The following ELF1 variants were observed in gnomAD, a reference collection of about 807,000 sequenced individuals.
ELF1 encodes ETS-related transcription factor Elf-1.
ELF1 carries 24 observed loss-of-function variants against 59.9 expected under a neutral mutation model. The observed-to-expected ratio is 0.40, with a 90% CI of 0.29 to 0.56. The LOEUF (loss-of-function observed/expected upper bound fraction) is 0.56. ELF1 is among the 20% of genes least tolerant of loss of function. The pLI is 0.44. For synonymous variants in ELF1, 248 were observed against 266.2 expected (o/e 0.93, Z 0.67); for missense variants, 627 against 742.2 (o/e 0.84, Z 1.80).
chr13:40,943,799 CA>C, intron 6 of ELF1, 42 bp downstream of exon 6: 3 of 1,547,426 alleles, frequency 1.9e-6, no homozygotes, highest in Non-Finnish European at 2.6e-6. Context: ...CACTATAAAG[CA>C]ATCTGAGTGT....
rs530702906 is a variant in ELF1 at position 41,050,278 on chromosome 13, C to T, written c.-229+10560G>A. ...ATCATGCAGTATATCTTCTTTGTGA[C>T]TGGCTTATTTCACTTAGCATAATGT... On this transcript the variant is annotated intron_variant, in intron 1 of 1. Transcript: ENST00000405737. Among the ~76,000 whole-genome samples the T allele has an allele frequency of 2.6e-5, 4 of 152,204 alleles. No individual in the cohort carries two copies. The South Asian group carries it at 8.3e-4, about 32-fold the overall frequency.
At chr13:41,024,915 C>T (rs1380242911) in intron 1 of ELF1, among the ~76,000 whole-genome samples, 1 of 152,172 alleles carries the variant, frequency 6.6e-6, no homozygotes, top group African/African-American at 2.4e-5. Context: ...TCCTAACTGA[C>T]AGAATCTTTC....
At chr13:40,988,650 A>G (rs9594471) in intron 1 of ELF1, among the ~76,000 whole-genome samples, 27,615 of 152,124 alleles carry the variant, frequency 0.18, 2,691 homozygotes, top group African/African-American at 0.22. Context: ...ATTATCTCCC[A>G]AGTTTACTAT....
At chr13:41,000,260 T>C (rs1011403001) in intron 1 of ELF1, among the ~76,000 whole-genome samples, 1 of 139,760 alleles carries the variant, frequency 7.2e-6, no homozygotes, top group Non-Finnish European at 1.5e-5. Flanking sequence ...TTTTTTTTTT[T>C]TTTTTTTTGA....
chr13:41,008,041 A>G (rs1874852848), intron 1 of ELF1, among the ~76,000 whole-genome samples: 1 of 152,224 alleles, frequency 6.6e-6, no homozygotes, highest in Non-Finnish European at 1.5e-5. Context: ...TAAAAAGGCG[A>G]CTTCACTTAA....
chr13:41,044,961 TCA>T, intron 1 of ELF1, among the ~76,000 whole-genome samples: 1 of 152,180 alleles, frequency 6.6e-6, no homozygotes, highest in South Asian at 2.1e-4. Context: ...AATTATTTCC[TCA>T]ATTTCAGAGC....
intron 1 of ELF1, among the ~76,000 whole-genome samples, chr13:41,003,440 T>TA (rs1874577922): frequency 7.2e-6 from 1 of 138,544 alleles, no homozygotes; most frequent in Admixed American, 7.7e-5. Context: ...ATTTATTGTT[T>TA]AAAAAGACAT....
chr13:41,020,763 A>T (rs756682533), upstream of ELF1, among the ~76,000 whole-genome samples: 1 of 152,218 alleles, frequency 6.6e-6, no homozygotes, highest in Non-Finnish European at 1.5e-5. Flanking sequence ...TCCGCTGAGC[A>T]GTCACGGGAG....
In ELF1 at chr13:40,983,817, A is replaced by G. The variant is rs141560857; in HGVS notation, c.-228-1535T>C. On this transcript the variant is annotated intron_variant, in intron 1 of 8. Transcript: ENST00000239882. Reference sequence around the variant, plus strand: ...AATTCCTCTGTAGTAGACCTGCCTTATGTTCCTCCACACAAACTATTCAGT... The same window carrying G: ...AATTCCTCTGTAGTAGACCTGCCTTGTGTTCCTCCACACAAACTATTCAGT... Among the ~76,000 whole-genome samples the G allele has an allele frequency of 8.5e-3, 1,295 of 152,258 alleles. 13 individuals carry two copies. The highest frequency in any genetic ancestry group is 0.03 in the African/African-American group (1,227 of 41,538).
At chr13:40,983,451 T>C (rs904213995) in intron 1 of ELF1, among the ~76,000 whole-genome samples, 4 of 152,152 alleles carry the variant, frequency 2.6e-5, no homozygotes, top group African/African-American at 9.7e-5. Context: ...AGTCCCTATG[T>C]GTCCTGGGCT....
intron 1 of ELF1, among the ~76,000 whole-genome samples, chr13:41,026,565 A>T (rs538232951): frequency 6.6e-6 from 1 of 152,318 alleles, no homozygotes; most frequent in East Asian, 1.9e-4. Context: ...ATCACAGCAC[A>T]GGCCTGTAGG....
chr13:40,956,459 A>G (rs1871438156), intron 3 of ELF1, among the ~76,000 whole-genome samples: 2 of 151,690 alleles, frequency 1.3e-5, no homozygotes, highest in Non-Finnish European at 2.9e-5. Context: ...TCCTCTGCCT[A>G]GGAAAACCAA....
intron 1 of ELF1, among the ~76,000 whole-genome samples, chr13:41,037,663 G>A (rs1396257669): frequency 6.6e-6 from 1 of 152,052 alleles, no homozygotes; most frequent in East Asian, 1.9e-4. Context: ...GGGCATGGTG[G>A]CGCATGCCTG....
intron 1 of ELF1, among the ~76,000 whole-genome samples, chr13:41,015,283 T>C (rs1875293169): frequency 6.6e-6 from 1 of 151,468 alleles, no homozygotes; most frequent in East Asian, 1.9e-4. Flanking sequence ...CGGGGGTGGA[T>C]CAGAGAAAAG....
intron 5 of ELF1, among the ~76,000 whole-genome samples, chr13:40,946,081 T>C (rs1219455842): frequency 6.6e-6 from 1 of 152,196 alleles, no homozygotes; most frequent in Non-Finnish European, 1.5e-5. Context: ...TCAGGATGTC[T>C]GCCCGCCTCA....
chr13:41,013,066 T>C (rs1875169422), intron 1 of ELF1, among the ~76,000 whole-genome samples: 1 of 152,180 alleles, frequency 6.6e-6, no homozygotes, highest in South Asian at 2.1e-4. Flanking sequence ...TATATTGTTG[T>C]CTACAGCTTA....
rs373835501 is a variant in ELF1 at position 40,977,992 on chromosome 13, G to A, written c.72+3991C>T. Among the ~76,000 whole-genome samples, 4 of 152,284 alleles carry A rather than the reference G, an allele frequency of 2.6e-5. No homozygotes were observed. In the East Asian group the frequency reaches 7.7e-4, roughly 29 times the overall value. ...TGAAGGGCTAACACCACTATTTGTG[G>A]GAGTGGGGGAAGAATCTTCAAATCA... On this transcript the variant is annotated intron_variant, in intron 2 of 8. Transcript: ENST00000239882.
At chr13:40,977,850 A>T (rs1321712459) in intron 2 of ELF1, among the ~76,000 whole-genome samples, 3 of 152,238 alleles carry the variant, frequency 2.0e-5, no homozygotes, top group African/African-American at 7.2e-5. Context: ...ATATAAAAAC[A>T]GTTCAACGAA....
chr13:41,050,103 G>A (rs2138432810), intron 1 of ELF1, among the ~76,000 whole-genome samples: 1 of 152,202 alleles, frequency 6.6e-6, no homozygotes, highest in South Asian at 2.1e-4. Flanking sequence ...CATTCACATT[G>A]TGGTGCAACA....
Sources: allele counts gnomAD v4.1 joint callset (sites outside exome capture counted in the v4.1 genomes callset), GRCh38; gene constraint gnomAD v4.1.1; transcripts MANE v1.5; gene names NCBI Gene and HGNC (gene_info 2026-07-23, HGNC 2026-07-21).